DSG3: variants seen among roughly 807,000 people sequenced by gnomAD.
DSG3 encodes desmoglein-3.
Under a neutral mutation model 85.9 loss-of-function variants are expected in DSG3, and 63 were observed. The observed-to-expected ratio is 0.73, with a 90% confidence interval of 0.60 to 0.90. The LOEUF (loss-of-function observed/expected upper bound fraction) is 0.90. Among genes scored for constraint, DSG3 ranks in the 40% least tolerant of loss-of-function variants. The pLI, the probability that DSG3 is intolerant of heterozygous loss-of-function variation, is 0.00. For synonymous variants in DSG3, 447 were observed against 441.9 expected (o/e 1.01, Z -0.14); for missense variants, 1,220 against 1,219.9 (o/e 1.00, Z 0.00).
chr18:31,464,123 GAAC>G lies in DSG3; in HGVS notation c.1016_1018del (p.Gln339del), dbSNP rs2072801876. 6.2e-7 allele frequency: 1 copy of G among 1,611,872 alleles called. No individual in the cohort carries two copies. Among genetic ancestry groups the G allele is most frequent in the Admixed American group, 1.7e-5 (1 of 59,772 alleles). The stretch of plus-strand genomic sequence containing the variant: ...ATTTTTTCTCCAGGCTCTAGATTAT[GAAC>G]AACTACAAAGCGTGAAACTTAGTAT... On this transcript the variant is annotated inframe_deletion, in exon 9 of 16. Transcript: ENST00000257189.
At chr18:31,457,306 A>G (rs2072748407) in intron 3 of DSG3, among the ~76,000 whole-genome samples, 182 bp downstream of exon 3, 1 of 152,116 alleles carries the variant, frequency 6.6e-6, no homozygotes, top group South Asian at 2.1e-4. Flanking sequence ...AAAGGAAGGT[A>G]GCTTCTAGGG....
Position 31,456,452 on chromosome 18 carries a change from G to C in DSG3, c.61G>C (p.Val21Leu). Residue 21 changes from valine (V) to leucine (L), a missense_variant, in exon 2 of 16, where the codon GTT becomes CTT. Physicochemically the swap from Val to Leu is conservative, Grantham distance 32 (BLOSUM62 1). Coordinates refer to ENST00000257189, the MANE Select transcript of DSG3 (RefSeq NM_001944.3). The stretch of plus-strand genomic sequence containing the variant: ...TAAATGTCTGCAGGTGGTCATATTG[G>C]TTCATGGAGAATTGCGAATAGAGGT... ...ALAIFVVVIL[V>L]HGELRIETKG... 1 of 1,348,002 alleles carries C rather than the reference G, an allele frequency of 7.4e-7. No homozygotes were observed. The allele number at this position is 1,348,002 out of a possible 1,614,324, so 83.5% of individuals were successfully genotyped here.
Position 31,458,595 on chromosome 18 carries a change from T to G in DSG3, c.367T>G (p.Phe123Val). Residue 123 changes from phenylalanine (F) to valine (V), a missense_variant, in exon 4 of 16, where the codon TTC becomes GTC. Coordinates refer to ENST00000257189, the MANE Select transcript of DSG3 (RefSeq NM_001944.3). ...AIVDREETPSFLITCRALNAQ... is the reference protein window; with the variant it reads ...AIVDREETPSVLITCRALNAQ... Reference sequence around the variant, plus strand: ...AGTCGACCGGGAGGAAACTCCAAGCTTCCTGGTAAGTTTGGGTCCTCAACA... The same window carrying G: ...AGTCGACCGGGAGGAAACTCCAAGCGTCCTGGTAAGTTTGGGTCCTCAACA... 6.2e-7 allele frequency: 1 copy of G among 1,612,770 alleles called. No homozygotes were observed.
At chr18:31,473,256 G>A (rs1358457565) in intron 14 of DSG3, among the ~76,000 whole-genome samples, 1 of 152,148 alleles carries the variant, frequency 6.6e-6, no homozygotes, top group Non-Finnish European at 1.5e-5. Context: ...AGAACTAACA[G>A]TATCCTGATT....
chr18:31,448,671 A>G (rs1289050087), intron 1 of DSG3, among the ~76,000 whole-genome samples: 2 of 152,066 alleles, frequency 1.3e-5, no homozygotes, highest in Non-Finnish European at 2.9e-5. Context: ...AAAAAAAAGA[A>G]AAGTCACAAT....
At chr18:31,465,951 A>AC (rs1003754525) in intron 10 of DSG3, among the ~76,000 whole-genome samples, 5 of 152,046 alleles carry the variant, frequency 3.3e-5, no homozygotes, top group African/African-American at 4.8e-5. Flanking sequence ...AAAAGATAAC[A>AC]CCCCCCAAAA....
chr18:31,466,044 C>A (rs2072816414), intron 10 of DSG3, among the ~76,000 whole-genome samples: 1 of 151,734 alleles, frequency 6.6e-6, no homozygotes, highest in African/African-American at 2.4e-5. Context: ...ACATAATGCC[C>A]CCACAGAGAG....
intron 12 of DSG3, 85 bp downstream of exon 12, chr18:31,469,434 G>A (rs2072842480): frequency 6.5e-7 from 1 of 1,530,166 alleles, no homozygotes; most frequent in Non-Finnish European, 8.8e-7. Flanking sequence ...TCTGTGCAAT[G>A]GGGAAAGAAT....
chr18:31,464,274 A>T lies in DSG3; in HGVS notation c.1163A>T (p.Lys388Met). ...GGAATTGCATTCCGTCCTGCTTCCA[A>T]GACATTTACTGTGCAAAAAGGCATA... Reference protein sequence around the residue: ...REGIAFRPASKTFTVQKGISS... With the variant: ...REGIAFRPASMTFTVQKGISS... The change falls in exon 9 of 16, where the codon AAG becomes ATG. Residue 388 changes from lysine (K) to methionine (M), a missense_variant. Physicochemically the swap from Lys to Met is moderately conservative, Grantham distance 95. Coordinates refer to ENST00000257189, the MANE Select transcript of DSG3 (RefSeq NM_001944.3). 6.2e-7 allele frequency: 1 copy of T among 1,614,220 alleles called. No homozygotes were observed. Among genetic ancestry groups the T allele is most frequent in the Non-Finnish European group, 8.5e-7 (1 of 1,180,024 alleles).
intron 15 of DSG3, among the ~76,000 whole-genome samples, chr18:31,475,085 AG>A (rs1568092375): frequency 6.6e-6 from 1 of 152,198 alleles, no homozygotes; most frequent in Non-Finnish European, 1.5e-5. Context: ...CAGTGATGGG[AG>A]GAATGACATG....
In DSG3 at chr18:31,476,073, C is replaced by T. The variant is rs2072885498; in HGVS notation, c.2813C>T (p.Ser938Leu). ...AACTATTTAGTAACGGAGACTTACT[C>T]GGCTTCTGGTTCCCTCGTGCAACCT... The part of the protein sequence containing the change: ...HGNYLVTETY[S>L]ASGSLVQPST... The change falls in exon 16 of 16, where the codon TCG becomes TTG. Residue 938 changes from serine to leucine, a missense_variant. By Grantham distance (145) the Ser-to-Leu change is moderately radical. Transcript: ENST00000257189. 12 of 1,614,204 alleles carry T rather than the reference C, an allele frequency of 7.4e-6. No homozygotes were observed. The highest frequency in any genetic ancestry group is 1.3e-5 in the African/African-American group (1 of 75,066).
intron 10 of DSG3, among the ~76,000 whole-genome samples, chr18:31,465,851 C>T (rs1468213277): frequency 1.3e-5 from 2 of 152,098 alleles, no homozygotes; most frequent in African/African-American, 4.8e-5. Context: ...TTGAACAATG[C>T]AATTTCCTCT....
At chr18:31,448,336 C>A (rs1194929350) in intron 1 of DSG3, among the ~76,000 whole-genome samples, 1 of 152,154 alleles carries the variant, frequency 6.6e-6, no homozygotes, top group Non-Finnish European at 1.5e-5. Flanking sequence ...ACTCTACACG[C>A]CTGGGCTTGA....
At chr18:31,453,005 A>C (rs2072720710) in intron 1 of DSG3, among the ~76,000 whole-genome samples, 1 of 152,232 alleles carries the variant, frequency 6.6e-6, no homozygotes, top group African/African-American at 2.4e-5. Context: ...AATAATTTCC[A>C]AGTAATCAGA....
At chr18:31,456,875 C>A in intron 2 of DSG3, 118 bp from the exon 3 acceptor site, 2 of 987,164 alleles carry the variant, frequency 2.0e-6, no homozygotes, top group South Asian at 1.9e-5. Flanking sequence ...AATTAGATAC[C>A]TAACAGTCTT....
At chr18:31,467,343 A>G (rs967154019) in intron 11 of DSG3, among the ~76,000 whole-genome samples, 1 of 149,238 alleles carries the variant, frequency 6.7e-6, no homozygotes, top group Non-Finnish European at 1.5e-5. Context: ...ACTCCATCTA[A>G]AAAAAAAAAG....
chr18:31,465,310 T>C lies in DSG3; in HGVS notation c.1272-8T>C, dbSNP rs373848938. On this transcript the variant is annotated splice_polypyrimidine_tract_variant and splice_region_variant and intron_variant, in intron 9 of 15. Transcript: ENST00000257189. ...AAGAAAACTGATTTTTTTAATATTA[T>C]GAAACAGATATGTCATGGGACGTAA... 62 of 1,393,052 alleles carry C rather than the reference T, an allele frequency of 4.5e-5. No homozygotes were observed. Among genetic ancestry groups the C allele is most frequent in the Middle Eastern group, 2.0e-4 (1 of 5,084 alleles). The allele number at this position is 1,393,052 out of a possible 1,614,324, so 86.3% of individuals were successfully genotyped here.
At chr18:31,470,303 A>G (rs903726422) in intron 12 of DSG3, among the ~76,000 whole-genome samples, 3 of 152,190 alleles carry the variant, frequency 2.0e-5, no homozygotes, top group Non-Finnish European at 4.4e-5. Flanking sequence ...ACAACTACAC[A>G]TACAACCATC....
At chr18:31,456,566 C>A (rs1172917494) in intron 2 of DSG3, 91 bp downstream of exon 2, 1 of 634,210 alleles carries the variant, frequency 1.6e-6, no homozygotes, top group African/African-American at 1.9e-5. Context: ...TATTTAATTT[C>A]TAAAATTATT....
Sources: allele counts gnomAD v4.1 joint callset (sites outside exome capture counted in the v4.1 genomes callset), GRCh38; gene constraint gnomAD v4.1.1; transcripts MANE v1.5; gene names NCBI Gene and HGNC (gene_info 2026-07-23, HGNC 2026-07-21).